The following HS6ST3 variants were observed in gnomAD, a reference collection of about 807,000 sequenced individuals.
The protein encoded by HS6ST3 is heparan-sulfate 6-O-sulfotransferase 3.
In HS6ST3, 12 loss-of-function variants were observed where a neutral mutation model predicts 36.7. That is an observed-to-expected ratio of 0.33 (90% CI 0.21 to 0.53). The LOEUF is 0.53. HS6ST3 is among the 20% of genes least tolerant of loss of function. HS6ST3 has a pLI of 0.95. For synonymous variants in HS6ST3, 240 were observed against 257.5 expected, an observed-to-expected ratio of 0.93 and a Z score of 0.65; for missense variants, 584 against 640.9, an observed-to-expected ratio of 0.91 and a Z score of 0.96.
chr13:96,164,983 C>T (rs1042850001), intron 1 of HS6ST3, among the ~76,000 whole-genome samples: 1 of 152,078 alleles, frequency 6.6e-6, no homozygotes, highest in Admixed American at 6.5e-5. Context: ...AGTTAAAACC[C>T]ATTTTATCAA....
chr13:96,489,248 A>G (rs1007407460), intron 1 of HS6ST3, among the ~76,000 whole-genome samples: 2 of 151,936 alleles, frequency 1.3e-5, no homozygotes, highest in Admixed American at 6.6e-5. Context: ...CTTATAGCAA[A>G]ATGATTACTT....
chr13:96,732,293 T>G (rs1020771607), intron 1 of HS6ST3, among the ~76,000 whole-genome samples: 13 of 152,228 alleles, frequency 8.5e-5, no homozygotes, highest in African/African-American at 3.1e-4. Flanking sequence ...TATGTTTTCT[T>G]CTAGTAGTTT....
intron 1 of HS6ST3, among the ~76,000 whole-genome samples, chr13:96,188,659 A>T (rs1455318335): frequency 6.6e-6 from 1 of 152,122 alleles, no homozygotes; most frequent in Non-Finnish European, 1.5e-5. Flanking sequence ...TCAAAATGGC[A>T]TTTCTCTTTT....
At chr13:96,104,457 C>T (rs957524007) in intron 1 of HS6ST3, among the ~76,000 whole-genome samples, 2 of 152,116 alleles carry the variant, frequency 1.3e-5, no homozygotes, top group Admixed American at 1.3e-4. Context: ...GTGATTTTCA[C>T]GCTTTGACAT....
intron 1 of HS6ST3, among the ~76,000 whole-genome samples, chr13:96,386,532 T>A (rs2099511008): frequency 6.6e-6 from 1 of 152,078 alleles, no homozygotes; most frequent in Admixed American, 6.6e-5. Context: ...TTAAAAAGTG[T>A]AAAGATGGTA....
intron 1 of HS6ST3, among the ~76,000 whole-genome samples, chr13:96,550,451 T>C (rs1265065661): frequency 6.6e-6 from 1 of 152,114 alleles, no homozygotes. Context: ...AATGAAGGTT[T>C]TTCCTTATAA....
At chr13:96,100,804 A>G (rs1247433966) in intron 1 of HS6ST3, among the ~76,000 whole-genome samples, 1 of 152,212 alleles carries the variant, frequency 6.6e-6, no homozygotes, top group Non-Finnish European at 1.5e-5. Context: ...GGGTCCAGTG[A>G]TGGGAGGGAT....
At chr13:96,728,292 A>G (rs1876055726) in intron 1 of HS6ST3, among the ~76,000 whole-genome samples, 1 of 152,204 alleles carries the variant, frequency 6.6e-6, no homozygotes, top group African/African-American at 2.4e-5. Flanking sequence ...ATAAATAAAG[A>G]AGCCCAATAT....
chr13:96,686,246 G>T (rs1421882835), intron 1 of HS6ST3, among the ~76,000 whole-genome samples: 2 of 151,878 alleles, frequency 1.3e-5, no homozygotes, highest in African/African-American at 2.4e-5. Context: ...TTCAAGCCAA[G>T]AAAATAACTA....
intron 1 of HS6ST3, among the ~76,000 whole-genome samples, chr13:96,620,312 A>G (rs2056489697): frequency 6.6e-6 from 1 of 152,190 alleles, no homozygotes; most frequent in African/African-American, 2.4e-5. Context: ...AATGCTTGGG[A>G]AAGCTTACAA....
chr13:96,563,277 T>G (rs2056269239), intron 1 of HS6ST3, among the ~76,000 whole-genome samples: 1 of 152,164 alleles, frequency 6.6e-6, no homozygotes, highest in African/African-American at 2.4e-5. Flanking sequence ...CTATTACACT[T>G]AAGTATATCA....
intron 1 of HS6ST3, 119 bp downstream of exon 1, chr13:96,091,688 C>T: frequency 7.4e-7 from 1 of 1,356,230 alleles, no homozygotes; most frequent in Non-Finnish European, 9.8e-7. Context: ...GCGTCTTCAG[C>T]GGTTGGCGCC....
chr13:96,448,869 A>G (rs1233627435), intron 1 of HS6ST3, among the ~76,000 whole-genome samples: 1 of 152,146 alleles, frequency 6.6e-6, no homozygotes, highest in Admixed American at 6.5e-5. Context: ...CCTGCACGTT[A>G]GCAGCCACAG....
intron 1 of HS6ST3, among the ~76,000 whole-genome samples, chr13:96,324,932 T>A (rs1370780907): frequency 6.6e-6 from 1 of 152,214 alleles, no homozygotes; most frequent in African/African-American, 2.4e-5. Context: ...GGTGCTTTGT[T>A]ATGGCAGCAT....
chr13:96,423,717 T>C (rs1188815709), intron 1 of HS6ST3, among the ~76,000 whole-genome samples: 2 of 152,144 alleles, frequency 1.3e-5, no homozygotes, highest in East Asian at 1.9e-4. Context: ...TGCTGGCCAC[T>C]GTAAGGATTT....
At chr13:96,133,252 C>T (rs1246771187) in intron 1 of HS6ST3, among the ~76,000 whole-genome samples, 2 of 152,082 alleles carry the variant, frequency 1.3e-5, no homozygotes, top group Non-Finnish European at 2.9e-5. Context: ...CGTCAGCCTC[C>T]GAGTAGCTGG....
intron 1 of HS6ST3, among the ~76,000 whole-genome samples, chr13:96,277,256 G>A (rs554281336): frequency 3.9e-5 from 6 of 152,160 alleles, no homozygotes; most frequent in Non-Finnish European, 7.4e-5. Context: ...AGTCTTCATG[G>A]ATCTAGCTTA....
intron 1 of HS6ST3, among the ~76,000 whole-genome samples, chr13:96,713,946 A>G (rs1875631706): frequency 6.6e-6 from 1 of 152,124 alleles, no homozygotes. Context: ...TAGAGGAAAA[A>G]TTGGCTGTTC....
chr13:96,517,753 A>C (rs1594798342), intron 1 of HS6ST3, among the ~76,000 whole-genome samples: 1 of 151,184 alleles, frequency 6.6e-6, no homozygotes, highest in Admixed American at 6.6e-5. Flanking sequence ...CCCTCCTGCC[A>C]CCCCCCACTC....
Sources: allele counts gnomAD v4.1 joint callset (sites outside exome capture counted in the v4.1 genomes callset), GRCh38; gene constraint gnomAD v4.1.1; transcripts MANE v1.5; gene names NCBI Gene and HGNC (gene_info 2026-07-23, HGNC 2026-07-21).